PIAS3: variants seen among roughly 807,000 people sequenced by gnomAD.
PIAS3 encodes protein inhibitor of activated STAT 3.
PIAS3 carries 34 observed loss-of-function variants against 67.6 expected under a neutral mutation model. That is an observed-to-expected ratio of 0.50 (90% CI 0.38 to 0.67). The LOEUF is 0.67. Among genes scored for constraint, PIAS3 ranks in the 30% least tolerant of loss-of-function variants. The probability of loss-of-function intolerance (pLI) is 0.00; values close to 1 mark genes in which losing one functional copy is unlikely to be tolerated. For missense variants in PIAS3, 693 were observed against 791.6 expected, an observed-to-expected ratio of 0.88 and a Z score of 1.49; for synonymous variants, 341 against 313.8, an observed-to-expected ratio of 1.09 and a Z score of -0.92.
At position 145,850,274 on chromosome 1, in the gene PIAS3, C is replaced by A; in HGVS notation, c.1583-5G>T. On this transcript the variant is annotated splice_region_variant and splice_polypyrimidine_tract_variant and intron_variant, in intron 12 of 13. Transcript: ENST00000393045. Reference sequence around the variant, plus strand: ...GAAATGAAAATAAATCTAAACCTGGCAGGAAAAGAAAAATCAAAATTAACC... The same window carrying A: ...GAAATGAAAATAAATCTAAACCTGGAAGGAAAAGAAAAATCAAAATTAACC... 2 of 1,614,208 alleles carry A rather than the reference C, an allele frequency of 1.2e-6. No homozygotes were observed. The highest frequency in any genetic ancestry group is 1.7e-6 in the Non-Finnish European group (2 of 1,180,026).
chr1:145,849,203 G>T lies in PIAS3; in HGVS notation c.*243C>A. ...ACTGCCTAGGTTAACATACCCAAAG[G>T]AATGTGCCACCATCTAAAGAACATT... On this transcript the variant is annotated 3_prime_UTR_variant, in exon 14 of 14. Transcript: ENST00000393045. 1 of 359,786 alleles carries T rather than the reference G, an allele frequency of 2.8e-6. No homozygotes were observed. Among genetic ancestry groups the T allele is most frequent in the Non-Finnish European group, 4.9e-6 (1 of 202,474 alleles). The allele number at this position is 359,786 out of a possible 1,614,324, so 22.3% of individuals were successfully genotyped here.
In PIAS3 at chr1:145,848,611, G is replaced by A. The variant is rs782512796; in HGVS notation, c.*835C>T. The A allele has an allele frequency of 5.2e-5, 36 of 693,316 alleles. No individual in the cohort carries two copies. Among genetic ancestry groups the A allele is most frequent in the Non-Finnish European group, 7.0e-5 (29 of 413,642 alleles). The allele number at this position is 693,316 out of a possible 1,614,324, so 42.9% of individuals were successfully genotyped here. A position where few individuals can be genotyped will look rare whatever the true frequency, so the allele number is the denominator to read the frequency against. On this transcript the variant is annotated 3_prime_UTR_variant, in exon 14 of 14. Coordinates refer to ENST00000393045, the MANE Select transcript of PIAS3 (RefSeq NM_006099.3). ...TACAACATAGGTCCTAGGCCTTGGC[G>A]AGCCTGAAAAAGAAGATTGGGAAGG...
chr1:145,851,260 TAAG>T, intron 9 of PIAS3, 107 bp from the exon 10 acceptor site: 1 of 1,167,182 alleles, frequency 8.6e-7, no homozygotes, highest in Non-Finnish European at 1.3e-6. Flanking sequence ...ATCTGTAAAA[TAAG>T]AACATTATCC....
At position 145,851,002 on chromosome 1, in the gene PIAS3, G is replaced by A; in HGVS notation, c.1279+18C>T. ...CCATCCAAGATTTAGCTTAGCTGGGGAACAGGGGGTCACTCACCATCCAGC... is the reference window on the plus strand; with the variant it reads ...CCATCCAAGATTTAGCTTAGCTGGGAAACAGGGGGTCACTCACCATCCAGC... On this transcript the variant is annotated intron_variant, in intron 10 of 13. Coordinates refer to ENST00000393045, the MANE Select transcript of PIAS3 (RefSeq NM_006099.3). 1 of 1,614,182 alleles carries A rather than the reference G, an allele frequency of 6.2e-7. No individual in the cohort carries two copies. Among genetic ancestry groups the A allele is most frequent in the Non-Finnish European group, 8.5e-7 (1 of 1,180,020 alleles).
chr1:145,857,097 T>G (rs914281373), intron 1 of PIAS3, 91 bp from the exon 2 acceptor site: 3 of 1,109,034 alleles, frequency 2.7e-6, no homozygotes, highest in Non-Finnish European at 4.0e-6. Flanking sequence ...GGGCAGTGCC[T>G]TTCTCTCCAG....
Position 145,856,353 on chromosome 1 carries a change from G to A in PIAS3, c.521C>T (p.Thr174Ile), listed in dbSNP as rs1481842683. 4.5e-5 allele frequency: 72 copies of A among 1,612,946 alleles called. No homozygotes were observed. The highest frequency in any genetic ancestry group is 5.8e-5 in the Non-Finnish European group (68 of 1,178,992). Residue 174 changes from threonine to isoleucine, a missense_variant, in exon 3 of 14, where the codon ACA becomes ATA. Thr to Ile is a moderately conservative substitution (Grantham distance 89, BLOSUM62 -1). This residue lies in a region of PIAS3 where 308 missense variants were observed against 348.8 expected (regional missense o/e 0.88). Coordinates refer to ENST00000393045, the MANE Select transcript of PIAS3 (RefSeq NM_006099.3). The part of the protein sequence containing the change: ...LTPQQVQQIL[T>I]SREVLPGAKC... The stretch of plus-strand genomic sequence containing the variant: ...AAGACTGGAAGAGATGTACCTGGAT[G>A]TAAGAATCTGCTGCACTTGCTGGGG...
chr1:145,855,729 C>G lies in PIAS3; in HGVS notation c.669+7G>C, dbSNP rs782446325. 2.0e-5 allele frequency: 30 copies of G among 1,490,110 alleles called. No individual in the cohort carries two copies. Among genetic ancestry groups the G allele is most frequent in the Admixed American group, 1.3e-4 (7 of 55,690 alleles). 92.3% of individuals were successfully genotyped at this position (1,490,110 alleles called of 1,614,324 possible). ...GATTACTGACAGAAGAAGGGGAGAGCATTTACCGGCAGGGGGCACAGTTTC... is the reference window on the plus strand; with the variant it reads ...GATTACTGACAGAAGAAGGGGAGAGGATTTACCGGCAGGGGGCACAGTTTC... On this transcript the variant is annotated splice_region_variant and intron_variant, in intron 5 of 13. Transcript: ENST00000393045.
At position 145,850,823 on chromosome 1, in the gene PIAS3, T is replaced by G; in HGVS notation, c.1396A>C (p.Lys466Gln). The G allele has an allele frequency of 6.2e-7, 1 of 1,614,200 alleles. No homozygotes were observed. The highest frequency in any genetic ancestry group is 8.5e-7 in the Non-Finnish European group (1 of 1,180,036). Reference sequence around the variant, plus strand: ...GCAGCTGAGGTGACAGAACAGTGCTTCTTGGTAGGGGGCAGATCCTCCTCA... The same window carrying G: ...GCAGCTGAGGTGACAGAACAGTGCTGCTTGGTAGGGGGCAGATCCTCCTCA... Reference protein sequence around the residue: ...SDEEDLPPTKKHCSVTSAAIP... With the variant: ...SDEEDLPPTKQHCSVTSAAIP... The change falls in exon 11 of 14, where the codon AAG becomes CAG. Residue 466 changes from lysine (K) to glutamine (Q), a missense_variant. Physicochemically the swap from Lys to Gln is moderately conservative, Grantham distance 53. Transcript: ENST00000393045.
rs1401806808 is a variant in PIAS3, at chr1:145,850,950, TAAG to T, written c.1280-14_1280-12del. The stretch of plus-strand genomic sequence containing the variant: ...GGCTGTACTGGAGGCCTGTGGGTAT[TAAG>T]AAGACTACGTCTCAGAGAAGAGGCC... On this transcript the variant is annotated splice_polypyrimidine_tract_variant and intron_variant, in intron 10 of 13. Transcript: ENST00000393045. 6 of 1,614,108 alleles carry T rather than the reference TAAG, an allele frequency of 3.7e-6. No homozygotes were observed. Among genetic ancestry groups the T allele is most frequent in the South Asian group, 1.1e-5 (1 of 91,082 alleles).
At chr1:145,849,960 C>G in intron 13 of PIAS3, 1 of 1,419,912 alleles carries the variant, frequency 7.0e-7, no homozygotes, top group Non-Finnish European at 9.1e-7. Context: ...GTGGAATGTC[C>G]GGTTAGAGCA....
intron 7 of PIAS3, chr1:145,854,211 G>A (rs1243127447): frequency 8.4e-6 from 5 of 597,678 alleles, no homozygotes; most frequent in South Asian, 4.1e-5. Flanking sequence ...TATTCTAGCA[G>A]GGCTGGAGTT....
chr1:145,850,348 G>T, intron 12 of PIAS3, 79 bp from the exon 13 acceptor site: 1 of 1,612,272 alleles, frequency 6.2e-7, no homozygotes, highest in Non-Finnish European at 8.5e-7. Context: ...GTGGACTGTG[G>T]CCCCTTGCAG....
chr1:145,858,381 C>G (rs1371662890), intron 1 of PIAS3, among the ~76,000 whole-genome samples: 1 of 152,088 alleles, frequency 6.6e-6, no homozygotes, highest in Non-Finnish European at 1.5e-5. Context: ...CGATTCACTA[C>G]GGCAGGACCT....
At chr1:145,854,962 G>A in intron 5 of PIAS3, 82 bp from the exon 6 acceptor site, 2 of 1,536,088 alleles carry the variant, frequency 1.3e-6, no homozygotes, top group East Asian at 2.3e-5. Flanking sequence ...TCTTGTCTCG[G>A]GTTATTCAAT....
chr1:145,858,851 G>T (rs1197135580), intron 1 of PIAS3, 116 bp downstream of exon 1: 1 of 903,006 alleles, frequency 1.1e-6, no homozygotes, highest in Non-Finnish European at 1.6e-6. Context: ...TCAGCAGCTC[G>T]TGCCTGCCAC....
chr1:145,854,289 C>T (rs1394684215), intron 7 of PIAS3, 169 bp downstream of exon 7: 1 of 615,144 alleles, frequency 1.6e-6, no homozygotes, highest in South Asian at 2.0e-5. Context: ...GGTCCAACTT[C>T]AACTATAAAG....
At position 145,849,540 on chromosome 1, in the gene PIAS3, G is replaced by A; in HGVS notation, c.1793C>T (p.Ala598Val). Residue 598 changes from alanine to valine, a missense_variant, in exon 14 of 14, where the codon GCC becomes GTC. Around this residue, in one of 3 missense-constraint regions of PIAS3, gnomAD observed 270 missense variants for 261.0 expected, o/e 1.03. Coordinates refer to ENST00000393045, the MANE Select transcript of PIAS3 (RefSeq NM_006099.3). Reference protein sequence around the residue: ...PPPGRVSSIVAPGGALREGHG... With the variant: ...PPPGRVSSIVVPGGALREGHG... ...CCCCTCCCTCAAGGCCCCCCCAGGG[G>A]CCACAATGCTGCTGACACGGCCAGG... 6.3e-7 allele frequency: 1 copy of A among 1,597,556 alleles called. No individual in the cohort carries two copies. The highest frequency in any genetic ancestry group is 1.1e-5 in the South Asian group (1 of 89,074).
At chr1:145,857,885 C>A (rs587709507) in intron 1 of PIAS3, among the ~76,000 whole-genome samples, 3 of 152,286 alleles carry the variant, frequency 2.0e-5, no homozygotes, top group South Asian at 4.1e-4. Flanking sequence ...GAGCTCTAAA[C>A]AGAGACCCTG....
In PIAS3 at chr1:145,849,276, C is replaced by CT; in HGVS notation, c.*169dup. ...CTTAAAAAGAGGTTAAATATTAACC[C>CT]TTTGGGTGCTGGCCTTGTCAGGCAG... On this transcript the variant is annotated 3_prime_UTR_variant, in exon 14 of 14. Coordinates refer to ENST00000393045, the MANE Select transcript of PIAS3 (RefSeq NM_006099.3). 1 of 532,182 alleles carries CT rather than the reference C, an allele frequency of 1.9e-6. No homozygotes were observed. 33.0% of individuals were successfully genotyped at this position (532,182 alleles called of 1,614,324 possible). A position where few individuals can be genotyped will look rare whatever the true frequency, so the allele number is the denominator to read the frequency against.
Sources: gnomAD v4.1 joint callset for allele counts (sites outside exome capture counted in the v4.1 genomes callset) on GRCh38, gnomAD v4.1.1 for gene constraint, gnomAD v4.1.1 regional missense constraint, MANE v1.5 for transcripts, NCBI Gene and HGNC (gene_info 2026-07-23, HGNC 2026-07-21) for gene names.